The following FMN2 variants were observed in gnomAD, a reference collection of about 807,000 sequenced individuals.
FMN2 encodes the protein formin-2.
In FMN2, 51 loss-of-function variants were observed where a neutral mutation model predicts 142.3. The observed-to-expected ratio is 0.36, with a 90% CI of 0.29 to 0.45. FMN2 has a LOEUF of 0.45. Ranked by LOEUF, FMN2 falls within the 20% of genes least tolerant of loss-of-function variation. The probability of loss-of-function intolerance (pLI) is 1.00; values close to 1 mark genes in which losing one functional copy is unlikely to be tolerated. For missense variants in FMN2, 1,936 were observed against 2,122.8 expected, an observed-to-expected ratio of 0.91 and a Z score of 1.73; for synonymous variants, 882 against 869.8, an observed-to-expected ratio of 1.01 and a Z score of -0.25.
At chr1:240,130,677 T>C (rs1662698825) in intron 2 of FMN2, among the ~76,000 whole-genome samples, 2 of 152,224 alleles carry the variant, frequency 1.3e-5, no homozygotes, top group South Asian at 2.1e-4. Context: ...ATTTGGCTTA[T>C]CCTTTTCTTA....
At chr1:240,306,072 C>T (rs926544359) in intron 8 of FMN2, among the ~76,000 whole-genome samples, 3 of 151,570 alleles carry the variant, frequency 2.0e-5, no homozygotes, top group Admixed American at 2.0e-4. Context: ...GCCTCAACCT[C>T]CTGAGTAGCT....
At chr1:240,264,297 GAA>G (rs1668722601) in intron 7 of FMN2, among the ~76,000 whole-genome samples, 2 of 152,172 alleles carry the variant, frequency 1.3e-5, no homozygotes, top group Admixed American at 6.6e-5. Context: ...TGTTTGGGAA[GAA>G]ATTGTCCTAA....
At chr1:240,235,081 G>GTA (rs750513537) in intron 6 of FMN2, among the ~76,000 whole-genome samples, 11 of 152,144 alleles carry the variant, frequency 7.2e-5, no homozygotes, top group Admixed American at 2.0e-4. Flanking sequence ...ATACTAAAGA[G>GTA]TAATTTGGTA....
intron 7 of FMN2, among the ~76,000 whole-genome samples, chr1:240,269,531 T>C (rs1668925871): frequency 6.6e-6 from 1 of 152,122 alleles, no homozygotes; most frequent in Non-Finnish European, 1.5e-5. Context: ...ATTTGGTTTT[T>C]TTTGTGGTTT....
At chr1:240,387,007 G>T (rs1362865814) in intron 14 of FMN2, among the ~76,000 whole-genome samples, 4 of 152,156 alleles carry the variant, frequency 2.6e-5, no homozygotes, top group South Asian at 2.1e-4. Context: ...TTTGCGGGGT[G>T]GGCAAAAGGG....
intron 8 of FMN2, among the ~76,000 whole-genome samples, chr1:240,326,101 G>A (rs1671162404): frequency 6.6e-6 from 1 of 152,182 alleles, no homozygotes; most frequent in African/African-American, 2.4e-5. Context: ...TTGACCGTGT[G>A]TGTGTACACA....
chr1:240,204,312 A>G (rs1235893415), intron 4 of FMN2, among the ~76,000 whole-genome samples: 1 of 152,210 alleles, frequency 6.6e-6, no homozygotes, highest in African/African-American at 2.4e-5. Flanking sequence ...TAAGACTACT[A>G]AATTTAGCAG....
intron 14 of FMN2, among the ~76,000 whole-genome samples, chr1:240,361,797 G>A (rs143419208): frequency 6.6e-6 from 1 of 152,356 alleles, no homozygotes; most frequent in East Asian, 1.9e-4. Context: ...TTCTTGCATG[G>A]ATGTGGTCAC....
intron 1 of FMN2, among the ~76,000 whole-genome samples, chr1:240,096,535 C>T (rs760998727): frequency 3.3e-5 from 5 of 152,202 alleles, no homozygotes; most frequent in Non-Finnish European, 7.4e-5. Flanking sequence ...TATTTTTTTA[C>T]GGGTGTCTTG....
At chr1:240,372,731 T>C (rs899970177) in intron 14 of FMN2, among the ~76,000 whole-genome samples, 1 of 151,696 alleles carries the variant, frequency 6.6e-6, no homozygotes, top group Admixed American at 6.6e-5. Context: ...CAATATTGGT[T>C]CCAGACCACC....
At chr1:240,323,387 G>C (rs1173567161) in intron 8 of FMN2, among the ~76,000 whole-genome samples, 1 of 152,082 alleles carries the variant, frequency 6.6e-6, no homozygotes, top group Non-Finnish European at 1.5e-5. Context: ...GTAGAGACAG[G>C]GTTTCGCCAT....
chr1:240,216,732 G>A (rs1049050603), intron 6 of FMN2, among the ~76,000 whole-genome samples: 4 of 151,926 alleles, frequency 2.6e-5, no homozygotes, highest in South Asian at 2.1e-4. Flanking sequence ...AAAAATGTTC[G>A]AGGTCAGGAG....
At chr1:240,144,652 C>G (rs1558318379) in intron 2 of FMN2, 4 of 1,291,006 alleles carry the variant, frequency 3.1e-6, no homozygotes, top group Non-Finnish European at 4.5e-6. Flanking sequence ...AGTTCTCAGG[C>G]TCAGACACAT....
intron 14 of FMN2, among the ~76,000 whole-genome samples, chr1:240,387,742 G>T (rs114552721): frequency 0.036 from 5,462 of 152,210 alleles, 336 homozygotes; most frequent in African/African-American, 0.12. Context: ...AAATATGTGA[G>T]ATTCCTACAA....
chr1:240,093,949 C>T (rs1434942163), intron 1 of FMN2, among the ~76,000 whole-genome samples: 1 of 152,198 alleles, frequency 6.6e-6, no homozygotes, highest in African/African-American at 2.4e-5. Context: ...AAGGGAACAA[C>T]TTAGTTGTGT....
chr1:240,174,066 A>G (rs1388920997), intron 2 of FMN2, among the ~76,000 whole-genome samples: 2 of 152,132 alleles, frequency 1.3e-5, no homozygotes, highest in Non-Finnish European at 2.9e-5. Flanking sequence ...TCTCTCCACC[A>G]ACTCCCAGAG....
chr1:240,152,647 A>T (rs1663837924), intron 2 of FMN2, among the ~76,000 whole-genome samples: 1 of 152,200 alleles, frequency 6.6e-6, no homozygotes, highest in Non-Finnish European at 1.5e-5. Context: ...ATGAGCTAGG[A>T]CTAAGCAGAG....
rs1387654158 is a variant in FMN2 at position 240,091,964 on chromosome 1, G to A, written c.-146G>A. 1.5e-6 allele frequency: 2 copies of A among 1,313,094 alleles called. No individual in the cohort carries two copies. The highest frequency in any genetic ancestry group is 2.0e-6 in the Non-Finnish European group (2 of 1,017,562). The allele number at this position is 1,313,094 out of a possible 1,614,324, so 81.3% of individuals were successfully genotyped here. A position where few individuals can be genotyped will look rare whatever the true frequency, so the allele number is the denominator to read the frequency against. On this transcript the variant is annotated 5_prime_UTR_variant, in exon 1 of 18. Transcript: ENST00000319653. ...GCGGCAGATGCGAGCGGGGCCAGCC[G>A]GGCGCGCGTCGGCCTCCCCTCCCAG... is the stretch of plus-strand genomic sequence containing the variant.
chr1:240,205,651 C>T (rs142984596), intron 4 of FMN2, among the ~76,000 whole-genome samples: 6 of 151,346 alleles, frequency 4.0e-5, no homozygotes, highest in Admixed American at 1.3e-4. Context: ...TTAGTAGAGA[C>T]GGGGTTTCAC....
Sources: allele counts gnomAD v4.1 joint callset (sites outside exome capture counted in the v4.1 genomes callset), GRCh38; gene constraint gnomAD v4.1.1; transcripts MANE v1.5; gene names NCBI Gene and HGNC (gene_info 2026-07-23, HGNC 2026-07-21).